The following GRM5 variants were observed in gnomAD, a reference collection of about 807,000 sequenced individuals.
GRM5 encodes metabotropic glutamate receptor 5.
Under a neutral mutation model 83.1 loss-of-function variants are expected in GRM5, and 19 were observed. The ratio of observed to expected loss-of-function variants is 0.23; its 90% CI spans 0.16 to 0.34. The LOEUF is 0.34. GRM5 is among the 10% of genes least tolerant of loss of function. The probability of loss-of-function intolerance (pLI) is 1.00; values close to 1 mark genes in which losing one functional copy is unlikely to be tolerated. For synonymous variants in GRM5, 675 were observed against 633.6 expected (o/e 1.07, Z -0.98); for missense variants, 1,160 against 1,588.3 (o/e 0.73, Z 4.58).
intron 2 of GRM5, among the ~76,000 whole-genome samples, chr11:89,019,964 T>G (rs922141436): frequency 1.5e-4 from 23 of 152,178 alleles, no homozygotes; most frequent in African/African-American, 5.3e-4. Flanking sequence ...GGGCTGCAGC[T>G]GCAGCAACCA....
At chr11:88,574,885 C>T (rs192350901) in intron 7 of GRM5, among the ~76,000 whole-genome samples, 1 of 151,720 alleles carries the variant, frequency 6.6e-6, no homozygotes, top group Non-Finnish European at 1.5e-5. Flanking sequence ...AAGAATGAGA[C>T]AGTAACCAGT....
intron 2 of GRM5, among the ~76,000 whole-genome samples, chr11:88,904,943 T>G (rs183819236): frequency 1.3e-5 from 2 of 152,298 alleles, no homozygotes; most frequent in East Asian, 1.9e-4. Flanking sequence ...ATATAAAAGA[T>G]CTCATAAACA....
intron 3 of GRM5, among the ~76,000 whole-genome samples, chr11:88,838,922 C>T (rs1479959489): frequency 6.6e-6 from 1 of 150,964 alleles, no homozygotes; most frequent in Non-Finnish European, 1.5e-5. Context: ...CACAAACTTC[C>T]TTCTCCACTT....
Position 88,980,510 on chromosome 11 carries a change from T to C in GRM5, c.661+66702A>G, listed in dbSNP as rs577322016. ...ATAAAAGTGTTCTTATTTTTTCTAG[T>C]AGTTTTTCCATTATAAAAATGATAT... On this transcript the variant is annotated intron_variant, in intron 2 of 9. Coordinates refer to ENST00000305447, the MANE Select transcript of GRM5 (RefSeq NM_001143831.3). Among the ~76,000 whole-genome samples the C allele has an allele frequency of 4.4e-4, 67 of 152,290 alleles. 1 individual carries two copies. Among genetic ancestry groups the C allele is most frequent in the Non-Finnish European group, 2.5e-4 (17 of 68,026 alleles).
chr11:88,994,448 TATATATATATATATATATA>T (rs1940103027), intron 2 of GRM5, among the ~76,000 whole-genome samples: 1 of 17,162 alleles, frequency 5.8e-5, no homozygotes, highest in East Asian at 8.6e-4. Context: ...TAACTGATTA[TATATATATATATATATATA>T]TATATATATA....
rs17829591 is a variant in GRM5, at chr11:88,542,679, C to T, written c.2631-17275G>A. Among the ~76,000 whole-genome samples, 1,251 of 152,286 alleles carry T rather than the reference C, an allele frequency of 8.2e-3. 10 individuals are homozygous for T. Among genetic ancestry groups the T allele is most frequent in the South Asian group, 0.052 (253 of 4,824 alleles). ...TACTTGACATCCAGAAAATACATTT[C>T]ACAGCCTCTCAACTCAAGGAGCTTA... On this transcript the variant is annotated intron_variant, in intron 8 of 9. Transcript: ENST00000305447.
intron 3 of GRM5, among the ~76,000 whole-genome samples, chr11:88,721,979 A>C (rs1347937778): frequency 1.3e-5 from 2 of 152,154 alleles, no homozygotes; most frequent in Admixed American, 6.6e-5. Context: ...CTAAATGACT[A>C]GTGATATCTA....
chr11:88,639,583 G>A (rs955745058), intron 4 of GRM5, among the ~76,000 whole-genome samples: 6 of 151,298 alleles, frequency 4.0e-5, no homozygotes, highest in African/African-American at 1.2e-4. Context: ...ATGATAATCT[G>A]CAAGTTCATT....
intron 8 of GRM5, among the ~76,000 whole-genome samples, chr11:88,554,903 G>T (rs1267108144): frequency 6.6e-6 from 1 of 152,108 alleles, no homozygotes; most frequent in Non-Finnish European, 1.5e-5. Flanking sequence ...TTACCCTCAG[G>T]TGGGCCAGCA....
intron 2 of GRM5, among the ~76,000 whole-genome samples, chr11:89,014,876 G>A (rs1461301851): frequency 6.6e-6 from 1 of 152,044 alleles, no homozygotes; most frequent in African/African-American, 2.4e-5. Flanking sequence ...AATTAGTCTT[G>A]AATGCTTGGT....
In GRM5 at chr11:88,885,970, A is replaced by G. The variant is rs150131139; in HGVS notation, c.662-35815T>C. On this transcript the variant is annotated intron_variant, in intron 2 of 9. Transcript: ENST00000305447. ...AGAGCAGACGAGATGGTGCCGATCA[A>G]CTGGAAAGCCTATTTGCATAATAAG... Among the ~76,000 whole-genome samples the G allele has an allele frequency of 3.3e-3, 503 of 152,276 alleles. 1 individual carries two copies. The highest frequency in any genetic ancestry group is 0.012 in the African/African-American group (492 of 41,562).
At chr11:88,585,378 A>C (rs146879527) in intron 7 of GRM5, among the ~76,000 whole-genome samples, 126 of 152,368 alleles carry the variant, frequency 8.3e-4, no homozygotes, top group Middle Eastern at 6.8e-3. Flanking sequence ...TGCAATTGGA[A>C]CAGTGAAAGT....
chr11:88,574,298 C>T (rs761995488), intron 7 of GRM5, among the ~76,000 whole-genome samples: 15 of 152,070 alleles, frequency 9.9e-5, no homozygotes, highest in South Asian at 2.1e-4. Context: ...AAAACTTTTG[C>T]GTTGCCTTTA....
chr11:88,566,250 C>T (rs556815571), intron 8 of GRM5, among the ~76,000 whole-genome samples: 4 of 152,242 alleles, frequency 2.6e-5, no homozygotes, highest in Non-Finnish European at 4.4e-5. Flanking sequence ...TTTCCCAAGC[C>T]ACTGATAACA....
intron 3 of GRM5, among the ~76,000 whole-genome samples, chr11:88,740,120 G>T (rs1941997595): frequency 6.6e-6 from 1 of 151,904 alleles, no homozygotes; most frequent in Admixed American, 6.6e-5. Context: ...CTTTGTAATG[G>T]CTAAGTACAT....
chr11:88,649,304 C>A (rs1293719612), intron 4 of GRM5, among the ~76,000 whole-genome samples: 1 of 136,352 alleles, frequency 7.3e-6, no homozygotes, highest in African/African-American at 2.7e-5. Flanking sequence ...ATATATTATA[C>A]ATTACATATT....
rs1440031185 is a variant in GRM5 at position 88,994,592 on chromosome 11, C to T, written c.661+52620G>A. Among the ~76,000 whole-genome samples the T allele has an allele frequency of 4.5e-5, 6 of 134,196 alleles. No homozygotes were observed. The East Asian group carries it at 1.1e-3, about 24-fold the overall frequency. The allele number at this position is 134,196 out of a possible 152,430, so 88.0% of individuals were successfully genotyped here. On this transcript the variant is annotated intron_variant, in intron 2 of 9. Coordinates refer to ENST00000305447, the MANE Select transcript of GRM5 (RefSeq NM_001143831.3). ...AGCCATGGTCATTCTTTGAAAGCCA[C>T]TGAATTAAAGCATTACAGAAAAAAA...
Position 88,765,225 on chromosome 11 carries a change from A to C in GRM5, c.911+84681T>G, listed in dbSNP as rs563551377. The stretch of plus-strand genomic sequence containing the variant: ...CTGTAAGCAAAATGTCTCCCAAAAA[A>C]GAAAAACCCTGGGAATCAAAAAAAT... On this transcript the variant is annotated intron_variant, in intron 3 of 9. Coordinates refer to ENST00000305447, the MANE Select transcript of GRM5 (RefSeq NM_001143831.3). Among the ~76,000 whole-genome samples, 7 of 151,568 alleles carry C rather than the reference A, an allele frequency of 4.6e-5. No individual in the cohort carries two copies. The South Asian group carries it at 1.5e-3, about 32-fold the overall frequency.
At chr11:88,521,368 G>T (rs1050997382) in intron 9 of GRM5, among the ~76,000 whole-genome samples, 3 of 152,190 alleles carry the variant, frequency 2.0e-5, no homozygotes, top group Non-Finnish European at 2.9e-5. Context: ...AGTGAGCCAA[G>T]ATCGCACCAT....
Sources: gnomAD v4.1 joint callset for allele counts (sites outside exome capture counted in the v4.1 genomes callset) on GRCh38, gnomAD v4.1.1 for gene constraint, MANE v1.5 for transcripts, NCBI Gene and HGNC (gene_info 2026-07-23, HGNC 2026-07-21) for gene names.